CACNA1B: variants seen among roughly 807,000 people sequenced by gnomAD.
CACNA1B encodes calcium voltage-gated channel subunit alpha1 B.
Under a neutral mutation model 247.2 loss-of-function variants are expected in CACNA1B, and 70 were observed. The ratio of observed to expected loss-of-function variants is 0.28; its 90% CI spans 0.23 to 0.35. The LOEUF is 0.35. CACNA1B is among the 10% of genes least tolerant of loss of function. CACNA1B has a pLI of 1.00. For missense variants in CACNA1B, 2,367 were observed against 3,197.4 expected (o/e 0.74, Z 6.26); for synonymous variants, 1,231 against 1,294.4 (o/e 0.95, Z 1.05).
At chr9:138,096,869 G>A (rs1961073703) in intron 37 of CACNA1B, among the ~76,000 whole-genome samples, 1 of 150,248 alleles carries the variant, frequency 6.7e-6, no homozygotes, top group South Asian at 2.2e-4. Flanking sequence ...CTTGAGTTCA[G>A]TTCCTTGGGA....
At chr9:137,972,462 C>T (rs531238987) in intron 11 of CACNA1B, among the ~76,000 whole-genome samples, 3 of 152,270 alleles carry the variant, frequency 2.0e-5, no homozygotes, top group Non-Finnish European at 4.4e-5. Flanking sequence ...CCGAGGCACC[C>T]AGGAAAGCCT....
Position 138,073,432 on chromosome 9 carries a change from C to CT in CACNA1B, c.4675-54dup, listed in dbSNP as rs1389803636. The CT allele has an allele frequency of 3.3e-5, 35 of 1,061,664 alleles. No individual in the cohort carries two copies. The highest frequency in any genetic ancestry group is 5.0e-5 in the Non-Finnish European group (34 of 680,080). The allele number at this position is 1,061,664 out of a possible 1,614,324, so 65.8% of individuals were successfully genotyped here. ...GGAAGAGGTTGTAGGGTGGCAGCAG[C>CT]TTGCCTGCGCTTTCGGGGCTTCTGA... On this transcript the variant is annotated intron_variant, in intron 32 of 46. Transcript: ENST00000371372. The surrounding 1 kb of genome is among the most constrained non-coding windows in gnomAD (Gnocchi z 6.4).
intron 8 of CACNA1B, 74 bp from the exon 9 acceptor site, chr9:137,956,697 C>G (rs1039328244): frequency 8.2e-7 from 1 of 1,221,602 alleles, no homozygotes; most frequent in Non-Finnish European, 1.2e-6. Flanking sequence ...GCCTTCCAGA[C>G]AGAGATGTGC....
intron 3 of CACNA1B, among the ~76,000 whole-genome samples, chr9:137,910,034 G>C (rs899831140): frequency 6.6e-5 from 10 of 152,138 alleles, no homozygotes; most frequent in African/African-American, 2.2e-4. Context: ...GCCTCCCAAA[G>C]TGTTGGGATT....
At position 137,957,675 on chromosome 9, in the gene CACNA1B, C is replaced by A; in HGVS notation, c.1321C>A (p.Leu441Ile). Residue 441 changes from leucine (L) to isoleucine (I), a missense_variant, in exon 10 of 47, where the codon CTC becomes ATC. Physicochemically the swap from Leu to Ile is conservative, Grantham distance 5 (BLOSUM62 2). Coordinates refer to ENST00000371372, the MANE Select transcript of CACNA1B (RefSeq NM_000718.4). This position sits in a 1 kb window ranked among gnomAD's most constrained non-coding sequence, Gnocchi z 4.7. ...GGAGGGAGAGGACCGGTTTGCAGAT[C>A]TCTGTGCTGTTGGTGAGTCTCAGGG... ...AEEGEDRFAD[L>I]CAVGSPFARA... is the part of the protein sequence containing the mutation. 1.3e-6 allele frequency: 2 copies of A among 1,597,416 alleles called. No individual in the cohort carries two copies. Among genetic ancestry groups the A allele is most frequent in the Non-Finnish European group, 1.7e-6 (2 of 1,171,948 alleles).
chr9:138,117,063 G>A (rs1961892244), intron 42 of CACNA1B, among the ~76,000 whole-genome samples: 1 of 152,342 alleles, frequency 6.6e-6, no homozygotes, highest in East Asian at 1.9e-4. Flanking sequence ...CAACCTGCAT[G>A]ACTAAGAACG....
chr9:138,000,450 G>A (rs1958562835), intron 15 of CACNA1B, among the ~76,000 whole-genome samples: 1 of 152,076 alleles, frequency 6.6e-6, no homozygotes, highest in African/African-American at 2.4e-5. Flanking sequence ...AGCTCAAGAA[G>A]AAATTTTGAA....
chr9:138,059,293 G>A lies in CACNA1B; in HGVS notation c.4584+104G>A, dbSNP rs546426111. ...CACAATTTGGAGCTGGGAATTCTCC[G>A]AGTACCCAGAGTATATGTAATGCTA... On this transcript the variant is annotated intron_variant, in intron 30 of 46. Coordinates refer to ENST00000371372, the MANE Select transcript of CACNA1B (RefSeq NM_000718.4). This position sits in a 1 kb window ranked among gnomAD's most constrained non-coding sequence, Gnocchi z 4.2. 8.7e-6 allele frequency: 6 copies of A among 692,314 alleles called. No individual in the cohort carries two copies. Among genetic ancestry groups the A allele is most frequent in the African/African-American group, 7.0e-5 (4 of 56,998 alleles). 42.9% of individuals were successfully genotyped at this position (692,314 alleles called of 1,614,324 possible).
intron 3 of CACNA1B, among the ~76,000 whole-genome samples, chr9:137,912,127 C>G (rs1957365871): frequency 6.6e-6 from 1 of 152,164 alleles, no homozygotes; most frequent in East Asian, 1.9e-4. Context: ...CCATATGGAA[C>G]TGTTAAAAAG....
At position 138,072,976 on chromosome 9, in the gene CACNA1B, C is replaced by T. The variant is rs1009486566; in HGVS notation, c.4675-512C>T. 6.6e-6 allele frequency among the ~76,000 whole-genome samples: 1 copy of T among 152,252 alleles called. No individual in the cohort carries two copies. Among genetic ancestry groups the T allele is most frequent in the African/African-American group, 2.4e-5 (1 of 41,474 alleles). ...AAGTGTTTGCCCCTCTGCCAGGTCCCAGCGAGGGTCCCAGGCAAGCGAGGG... is the reference window on the plus strand; with the variant it reads ...AAGTGTTTGCCCCTCTGCCAGGTCCTAGCGAGGGTCCCAGGCAAGCGAGGG... On this transcript the variant is annotated intron_variant, in intron 32 of 46. Transcript: ENST00000371372. The surrounding 1 kb of genome is among the most constrained non-coding windows in gnomAD (Gnocchi z 4.5).
At chr9:138,062,862 C>G (rs530892266) in intron 31 of CACNA1B, among the ~76,000 whole-genome samples, 1 of 152,350 alleles carries the variant, frequency 6.6e-6, no homozygotes, top group Non-Finnish European at 1.5e-5. Flanking sequence ...ATGGCAGCGT[C>G]TTGAGTCACA....
intron 42 of CACNA1B, among the ~76,000 whole-genome samples, chr9:138,116,539 T>A (rs1309635418): frequency 1.3e-5 from 2 of 152,220 alleles, no homozygotes; most frequent in African/African-American, 4.8e-5. Flanking sequence ...TCTGACTGTA[T>A]GTGCAGGTGG....
rs1958424771 is a variant in CACNA1B, at chr9:137,990,904, A to C, written c.1974+4050A>C. On this transcript the variant is annotated intron_variant, in intron 15 of 46. Coordinates refer to ENST00000371372, the MANE Select transcript of CACNA1B (RefSeq NM_000718.4). This position sits in a 1 kb window ranked among gnomAD's most constrained non-coding sequence, Gnocchi z 4.5. ...AAGCCCCATTCCTCAGGGCAGGGGG[A>C]GAACACCACATCAAGGGAGCACCCC... Among the ~76,000 whole-genome samples the C allele has an allele frequency of 6.6e-6, 1 of 152,192 alleles. No homozygotes were observed. The highest frequency in any genetic ancestry group is 1.9e-4 in the East Asian group (1 of 5,192).
Position 137,880,624 on chromosome 9 carries a change from T to C in CACNA1B, c.390+1465T>C, listed in dbSNP as rs530701009. On this transcript the variant is annotated intron_variant, in intron 2 of 46. Coordinates refer to ENST00000371372, the MANE Select transcript of CACNA1B (RefSeq NM_000718.4). This position sits in a 1 kb window ranked among gnomAD's most constrained non-coding sequence, Gnocchi z 4.8. The stretch of plus-strand genomic sequence containing the variant: ...GGAGGGTTTACTTTGTGGTCATAGG[T>C]TGGGGAGGACACTTCTAGGAGTGGC... 6.6e-6 allele frequency among the ~76,000 whole-genome samples: 1 copy of C among 152,130 alleles called. No individual in the cohort carries two copies. Among genetic ancestry groups the C allele is most frequent in the African/African-American group, 2.4e-5 (1 of 41,500 alleles).
At chr9:138,022,006 C>T (rs975211951) in intron 18 of CACNA1B, among the ~76,000 whole-genome samples, 6 of 152,328 alleles carry the variant, frequency 3.9e-5, no homozygotes, top group South Asian at 2.1e-4. Flanking sequence ...TCTTACTCAG[C>T]AGAAGGCCCA....
chr9:137,960,656 G>A (rs932900065), intron 10 of CACNA1B, among the ~76,000 whole-genome samples: 2 of 151,962 alleles, frequency 1.3e-5, no homozygotes, highest in Non-Finnish European at 2.9e-5. Flanking sequence ...TGTGGAGAAC[G>A]TCTTGGAGGC....
chr9:138,120,648 G>A lies in CACNA1B; in HGVS notation c.6256G>A (p.Gly2086Arg), dbSNP rs1160136687. Residue 2086 changes from glycine to arginine, a missense_variant, in exon 46 of 47, where the codon GGG (glycine) becomes AGG (arginine). Coordinates refer to ENST00000371372, the MANE Select transcript of CACNA1B (RefSeq NM_000718.4). ...DMDGAPSSAV[G>R]PGLPPGEGPT... is the part of the protein sequence containing the mutation. Reference sequence around the variant, plus strand: ...CTGGCCAGCACCAAGCAGTGCTGTGGGGCCGGGGCTGCCCCCGGGAGAGGG... The same window carrying A: ...CTGGCCAGCACCAAGCAGTGCTGTGAGGCCGGGGCTGCCCCCGGGAGAGGG... 3.3e-6 allele frequency: 5 copies of A among 1,503,274 alleles called. No individual in the cohort carries two copies. Among genetic ancestry groups the A allele is most frequent in the South Asian group, 1.3e-5 (1 of 75,886 alleles). The allele number at this position is 1,503,274 out of a possible 1,614,324, so 93.1% of individuals were successfully genotyped here.
rs1175083875 is a variant in CACNA1B at position 138,105,606 on chromosome 9, C to A, written c.5320-93C>A. The A allele has an allele frequency of 5.6e-6, 4 of 720,372 alleles. No homozygotes were observed. In the African/African-American group the frequency reaches 6.9e-5, roughly 12 times the overall value. The allele number at this position is 720,372 out of a possible 1,614,324, so 44.6% of individuals were successfully genotyped here. A position where few individuals can be genotyped will look rare whatever the true frequency, so the allele number is the denominator to read the frequency against. On this transcript the variant is annotated intron_variant, in intron 38 of 46. Coordinates refer to ENST00000371372, the MANE Select transcript of CACNA1B (RefSeq NM_000718.4). ...CTGCAGGCACCACCACTGGGATGCC[C>A]AGCCCAGCATCCAGGGACCCCATCA...
chr9:138,063,663 G>C (rs1271233864), intron 31 of CACNA1B, among the ~76,000 whole-genome samples: 2 of 152,218 alleles, frequency 1.3e-5, no homozygotes, highest in Non-Finnish European at 2.9e-5. Context: ...CCAAGTCCCA[G>C]AGGCTGAGTA....
Sources: gnomAD v4.1 joint callset for allele counts (sites outside exome capture counted in the v4.1 genomes callset) on GRCh38, gnomAD v4.1.1 for gene constraint, Gnocchi (gnomAD v3.1) non-coding constraint, MANE v1.5 for transcripts, NCBI Gene and HGNC (gene_info 2026-07-23, HGNC 2026-07-21) for gene names.